Variants in SLC35F1 observed in about 807,000 individuals in gnomAD.
The protein encoded by SLC35F1 is chromosome 6 open reading frame 169.
In SLC35F1, 14 loss-of-function variants were observed where a neutral mutation model predicts 48.7. The ratio of observed to expected loss-of-function variants is 0.29; its 90% CI spans 0.19 to 0.45. SLC35F1 has a LOEUF of 0.45. Among genes scored for constraint, SLC35F1 ranks in the 20% least tolerant of loss-of-function variants. SLC35F1 has a pLI of 1.00. For synonymous variants in SLC35F1, 190 were observed against 202.2 expected, an observed-to-expected ratio of 0.94 and a Z score of 0.51; for missense variants, 404 against 500.0, an observed-to-expected ratio of 0.81 and a Z score of 1.83.
chr6:118,181,275 G>A (rs1044802803), intron 2 of SLC35F1, among the ~76,000 whole-genome samples: 2 of 152,184 alleles, frequency 1.3e-5, no homozygotes, highest in African/African-American at 4.8e-5. Context: ...TGTTTGTGAG[G>A]TATGAATCTG....
At chr6:118,044,541 C>T (rs964376609) in intron 1 of SLC35F1, among the ~76,000 whole-genome samples, 2 of 152,102 alleles carry the variant, frequency 1.3e-5, no homozygotes, top group Admixed American at 1.3e-4. Flanking sequence ...GACTGGGAGG[C>T]CCTGGCAGTA....
chr6:117,908,323 C>A (rs923052389), intron 1 of SLC35F1, among the ~76,000 whole-genome samples: 2 of 152,192 alleles, frequency 1.3e-5, no homozygotes, highest in African/African-American at 2.4e-5. Context: ...CGTGGAAGTC[C>A]TGGGCCTCGT....
At chr6:117,953,059 G>A (rs1160324769) in intron 1 of SLC35F1, among the ~76,000 whole-genome samples, 1 of 152,208 alleles carries the variant, frequency 6.6e-6, no homozygotes, top group Non-Finnish European at 1.5e-5. Flanking sequence ...TGGACAGTCT[G>A]TAAAGATACT....
intron 1 of SLC35F1, among the ~76,000 whole-genome samples, chr6:118,053,002 A>T (rs1177358429): frequency 1.3e-5 from 2 of 152,030 alleles, no homozygotes; most frequent in African/African-American, 2.4e-5. Flanking sequence ...AGTGATTATC[A>T]TTAACTTTGA....
chr6:118,068,794 T>A (rs553540072), intron 1 of SLC35F1, among the ~76,000 whole-genome samples: 2 of 152,326 alleles, frequency 1.3e-5, no homozygotes, highest in East Asian at 3.9e-4. Flanking sequence ...GTGAGGTTGG[T>A]GTTGATTGCA....
At chr6:118,244,895 A>T (rs1481005733) in intron 3 of SLC35F1, among the ~76,000 whole-genome samples, 1 of 152,238 alleles carries the variant, frequency 6.6e-6, no homozygotes, top group Non-Finnish European at 1.5e-5. Context: ...AAGTCAATGA[A>T]TGAAAGGATG....
intron 1 of SLC35F1, among the ~76,000 whole-genome samples, chr6:118,056,025 T>C (rs967882614): frequency 2.0e-5 from 3 of 152,184 alleles, no homozygotes; most frequent in Non-Finnish European, 2.9e-5. Flanking sequence ...TTACCCTAGG[T>C]TTGGGTAATA....
intron 1 of SLC35F1, among the ~76,000 whole-genome samples, chr6:118,127,909 C>T (rs1773651627): frequency 6.6e-6 from 1 of 152,118 alleles, no homozygotes. Context: ...GCAACCTACT[C>T]ATCGGACAAA....
At chr6:118,285,629 C>G in intron 7 of SLC35F1, among the ~76,000 whole-genome samples, 1 of 152,316 alleles carries the variant, frequency 6.6e-6, no homozygotes, top group South Asian at 2.1e-4. Flanking sequence ...AGCCCAGAAG[C>G]TACTCTTTTT....
At chr6:118,190,094 C>T (rs1383061561) in intron 2 of SLC35F1, among the ~76,000 whole-genome samples, 3 of 152,110 alleles carry the variant, frequency 2.0e-5, no homozygotes, top group African/African-American at 7.2e-5. Flanking sequence ...TTAACAATTC[C>T]CCCCTTTTAG....
At position 117,982,489 on chromosome 6, in the gene SLC35F1, A is replaced by C. The variant is rs556066950; in HGVS notation, c.173+74590A>C. ...TGCACATAAAATGTTATGGAAGTAC[A>C]AAGGGTAGAAACTATTTTAATTTTC... On this transcript the variant is annotated intron_variant, in intron 1 of 7. Coordinates refer to ENST00000360388, the MANE Select transcript of SLC35F1 (RefSeq NM_001029858.4). Among the ~76,000 whole-genome samples the C allele has an allele frequency of 2.6e-5, 4 of 152,340 alleles. No individual in the cohort carries two copies. In the South Asian group the frequency reaches 8.3e-4, roughly 32 times the overall value.
At chr6:118,099,754 T>C (rs1773230489) in intron 1 of SLC35F1, among the ~76,000 whole-genome samples, 1 of 152,202 alleles carries the variant, frequency 6.6e-6, no homozygotes, top group Admixed American at 6.6e-5. Flanking sequence ...TTGTGCATCC[T>C]GCATTGGGAG....
chr6:118,151,522 A>AT (rs1177780291), intron 1 of SLC35F1, among the ~76,000 whole-genome samples: 1 of 151,998 alleles, frequency 6.6e-6, no homozygotes, highest in African/African-American at 2.4e-5. Flanking sequence ...AAAACCTTTA[A>AT]TTTTTTATAA....
At chr6:117,911,941 T>C (rs1006645035) in intron 1 of SLC35F1, among the ~76,000 whole-genome samples, 1 of 152,238 alleles carries the variant, frequency 6.6e-6, no homozygotes, top group Non-Finnish European at 1.5e-5. Context: ...GTACTCTAAA[T>C]GATTTCTTAA....
rs566416135 is a variant in SLC35F1, at chr6:118,105,386, A to G, written c.174-49059A>G. Among the ~76,000 whole-genome samples the G allele has an allele frequency of 5.3e-5, 8 of 152,312 alleles. No homozygotes were observed. The South Asian group carries it at 6.2e-4, about 12-fold the overall frequency. On this transcript the variant is annotated intron_variant, in intron 1 of 7. Coordinates refer to ENST00000360388, the MANE Select transcript of SLC35F1 (RefSeq NM_001029858.4). ...CTTCTTTCTTAATCTTTTATATTCC[A>G]TACCAGAGACCTACTCTATGTCTAC...
At chr6:118,230,117 C>G (rs563793107) in intron 2 of SLC35F1, among the ~76,000 whole-genome samples, 50 of 152,020 alleles carry the variant, frequency 3.3e-4, no homozygotes, top group African/African-American at 1.1e-3. Context: ...CATGGTGGGC[C>G]GATCACAAGG....
At chr6:117,929,451 T>C (rs1776071634) in intron 1 of SLC35F1, among the ~76,000 whole-genome samples, 2 of 88,514 alleles carry the variant, frequency 2.3e-5, no homozygotes, top group South Asian at 1.1e-3. Flanking sequence ...GTGTATGTAT[T>C]TATGTGTGTG....
chr6:118,189,767 CA>C (rs1252373880), intron 2 of SLC35F1, among the ~76,000 whole-genome samples: 2 of 152,124 alleles, frequency 1.3e-5, no homozygotes, highest in African/African-American at 4.8e-5. Context: ...AGAGAGAATC[CA>C]GGGGGCCTCG....
intron 7 of SLC35F1, among the ~76,000 whole-genome samples, chr6:118,294,711 A>G (rs892395438): frequency 1.3e-5 from 2 of 152,212 alleles, no homozygotes; most frequent in Admixed American, 6.5e-5. Flanking sequence ...TCCATGCTGA[A>G]CAGGCTGAAG....
Sources: gnomAD v4.1 joint callset for allele counts (sites outside exome capture counted in the v4.1 genomes callset) on GRCh38, gnomAD v4.1.1 for gene constraint, MANE v1.5 for transcripts, NCBI Gene and HGNC (gene_info 2026-07-23, HGNC 2026-07-21) for gene names.